Variants in ECT2 observed in about 807,000 individuals in gnomAD.
ECT2 encodes protein ECT2.
Under a neutral mutation model 116.9 loss-of-function variants are expected in ECT2, and 61 were observed. The observed-to-expected ratio is 0.52, with a 90% CI of 0.42 to 0.65. The LOEUF is 0.65. Among genes scored for constraint, ECT2 ranks in the 30% least tolerant of loss-of-function variants. The pLI is 0.00. For synonymous variants in ECT2, 358 were observed against 346.4 expected, an observed-to-expected ratio of 1.03 and a Z score of -0.37; for missense variants, 937 against 1,078.7, an observed-to-expected ratio of 0.87 and a Z score of 1.84.
rs186331108 is a variant in ECT2 at position 172,758,260 on chromosome 3, T to C, written c.487-720T>C. On this transcript the variant is annotated intron_variant, in intron 5 of 24. Coordinates refer to ENST00000392692, the MANE Select transcript of ECT2 (RefSeq NM_001258315.2). Reference sequence around the variant, plus strand: ...GCATTCTTAAGCTTGCCTTGTTTACTTAAAATTGCTTAGGTCTTTGTACTT... The same window carrying C: ...GCATTCTTAAGCTTGCCTTGTTTACCTAAAATTGCTTAGGTCTTTGTACTT... Among the ~76,000 whole-genome samples the C allele has an allele frequency of 1.4e-3, 219 of 152,324 alleles. 1 individual carries two copies. The highest frequency in any genetic ancestry group is 2.5e-3 in the Non-Finnish European group (171 of 68,026).
chr3:172,829,186 C>T, the ECT2 span: 1 of 431,542 alleles, frequency 2.3e-6, no homozygotes, highest in Non-Finnish European at 4.3e-6. Context: ...TTCAGTCTCC[C>T]AGCTTTAGCC....
rs1402016328 is a variant in ECT2 at position 172,784,806 on chromosome 3, A to G, written c.1825+3A>G. ...CAGTGTTGCATTACTTTTAAATGGT[A>G]CTTGTCTGATCTGTTTCAAACTACA... On this transcript the variant is annotated splice_donor_region_variant and intron_variant, in intron 17 of 24. Transcript: ENST00000392692. 1.9e-6 allele frequency: 3 copies of G among 1,566,064 alleles called. No individual in the cohort carries two copies. The highest frequency in any genetic ancestry group is 2.6e-6 in the Non-Finnish European group (3 of 1,139,860).
Position 172,820,268 on chromosome 3 carries a change from G to T in ECT2, c.*31G>T. On this transcript the variant is annotated 3_prime_UTR_variant, in exon 25 of 25. Coordinates refer to ENST00000392692, the MANE Select transcript of ECT2 (RefSeq NM_001258315.2). ...TACCAAAATCTTAAATTATAGAAAT[G>T]TATAGACACCTCATACTCAAATAAG... The T allele has an allele frequency of 6.7e-7, 1 of 1,498,208 alleles. No individual in the cohort carries two copies. Among genetic ancestry groups the T allele is most frequent in the Non-Finnish European group, 9.2e-7 (1 of 1,088,930 alleles). The allele number at this position is 1,498,208 out of a possible 1,614,324, so 92.8% of individuals were successfully genotyped here.
Position 172,816,822 on chromosome 3 carries a change from C to T in ECT2, c.2640C>T (p.Ser880=). Residue 880 remains serine (S), a synonymous_variant, in exon 24 of 25, where the codon AGC becomes AGT. Transcript: ENST00000392692. ...AGCATGTAATGAGTCGTCTTTCTAG[C>T]ACATCATCATTAGCAGTAAGTTATT... is the stretch of plus-strand genomic sequence containing the variant. ...NDKHVMSRLS[S]TSSLAGIPSP... 1.3e-6 allele frequency: 2 copies of T among 1,593,202 alleles called. No homozygotes were observed. The highest frequency in any genetic ancestry group is 1.1e-5 in the South Asian group (1 of 87,182).
chr3:172,815,307 A>G (rs1305746443), intron 22 of ECT2, among the ~76,000 whole-genome samples: 1 of 152,190 alleles, frequency 6.6e-6, no homozygotes, highest in African/African-American at 2.4e-5. Flanking sequence ...ATACTTCAGC[A>G]TTAAGTTTAA....
rs182472799 is a variant in ECT2 at position 172,782,193 on chromosome 3, G to C, written c.1579G>C (p.Asp527His). The part of the protein sequence containing the change: ...DDLEDLIVNW[D>H]ESKSIGDIFL... Reference sequence around the variant, plus strand: ...TCTTGAAGACCTTATAGTTAATTGGGATGAGAGCAAAAGCATTGGTGACAT... The same window carrying C: ...TCTTGAAGACCTTATAGTTAATTGGCATGAGAGCAAAAGCATTGGTGACAT... The change falls in exon 15 of 25, where the codon GAT becomes CAT. Residue 527 changes from aspartate to histidine, a missense_variant. Transcript: ENST00000392692. 1 of 1,580,050 alleles carries C rather than the reference G, an allele frequency of 6.3e-7. No individual in the cohort carries two copies. Among genetic ancestry groups the C allele is most frequent in the South Asian group, 1.2e-5 (1 of 85,400 alleles).
intron 5 of ECT2, 110 bp downstream of exon 5, chr3:172,757,275 T>C: frequency 1.3e-6 from 1 of 769,842 alleles, no homozygotes; most frequent in Non-Finnish European, 1.9e-6. Flanking sequence ...GAGCAAAATA[T>C]TTAGAATAGG....
intron 21 of ECT2, among the ~76,000 whole-genome samples, chr3:172,807,173 T>A (rs1254756392): frequency 6.6e-6 from 1 of 152,226 alleles, no homozygotes; most frequent in African/African-American, 2.4e-5. Context: ...CTGTAAGTCA[T>A]TTCTAGGTTA....
chr3:172,784,283 C>T (rs1723226167), intron 16 of ECT2, among the ~76,000 whole-genome samples: 1 of 152,012 alleles, frequency 6.6e-6, no homozygotes, highest in Non-Finnish European at 1.5e-5. Context: ...CCCATCTCTA[C>T]AAAAAGTTTT....
intron 18 of ECT2, among the ~76,000 whole-genome samples, chr3:172,790,174 C>T (rs905129047): frequency 6.6e-5 from 10 of 152,250 alleles, no homozygotes; most frequent in African/African-American, 7.2e-5. Flanking sequence ...TTCACCTGCC[C>T]GACATATGGT....
the ECT2 span, among the ~76,000 whole-genome samples, chr3:172,827,134 G>A: frequency 2.0e-5 from 3 of 152,226 alleles, no homozygotes; most frequent in African/African-American, 7.2e-5. Context: ...AACAAGCACC[G>A]AGGGATGTTT....
chr3:172,793,946 T>G (rs1725155301), intron 18 of ECT2, among the ~76,000 whole-genome samples: 1 of 151,908 alleles, frequency 6.6e-6, no homozygotes, highest in African/African-American at 2.4e-5. Flanking sequence ...AAAAATTGTG[T>G]TTTTTTTGTA....
At chr3:172,767,112 A>G (rs1216085077) in intron 12 of ECT2, among the ~76,000 whole-genome samples, 1 of 152,204 alleles carries the variant, frequency 6.6e-6, no homozygotes, top group Non-Finnish European at 1.5e-5. Context: ...ATAATGTTTG[A>G]CAAGTGGGAA....
intron 24 of ECT2, chr3:172,818,551 ACC>A (rs1240523108): frequency 3.1e-6 from 4 of 1,274,682 alleles, no homozygotes; most frequent in Non-Finnish European, 4.1e-6. Context: ...CTAACAGATT[ACC>A]CATTCTGTTT....
chr3:172,805,693 A>G (rs1245096049), intron 20 of ECT2, 38 bp from the exon 21 acceptor site: 2 of 1,595,516 alleles, frequency 1.3e-6, no homozygotes, highest in Admixed American at 3.5e-5. Context: ...CTTTTTCTTC[A>G]TTTTATTGAC....
chr3:172,764,853 C>T (rs142820036), intron 12 of ECT2, among the ~76,000 whole-genome samples: 1 of 152,134 alleles, frequency 6.6e-6, no homozygotes, highest in Non-Finnish European at 1.5e-5. Context: ...GGGGAGGTCA[C>T]ATAAATTATG....
downstream of ECT2, among the ~76,000 whole-genome samples, chr3:172,824,319 G>A (rs547233268): frequency 6.6e-6 from 1 of 152,310 alleles, no homozygotes; most frequent in East Asian, 1.9e-4. Context: ...GAGGCCTCAG[G>A]AAATTTACAA....
chr3:172,754,754 A>C, intron 2 of ECT2, 94 bp downstream of exon 2: 1 of 911,086 alleles, frequency 1.1e-6, no homozygotes. Context: ...TACCAACTGT[A>C]ATGCTAGAGC....
Position 172,762,786 on chromosome 3 carries a change from C to A in ECT2, c.985C>A (p.Leu329Ile). The A allele has an allele frequency of 6.2e-7, 1 of 1,612,482 alleles. No individual in the cohort carries two copies. The change falls in exon 10 of 25, where the codon CTT (leucine) becomes ATT (isoleucine). Residue 329 changes from leucine to isoleucine, a missense_variant. By Grantham distance (5) the Leu-to-Ile change is conservative. Transcript: ENST00000392692. Reference protein sequence around the residue: ...KDLPFEPSKKLYVVKQEWFWG... With the variant: ...KDLPFEPSKKIYVVKQEWFWG... The stretch of plus-strand genomic sequence containing the variant: ...TCTTCCCTTTGAACCTTCAAAGAAA[C>A]TTTATGTTGTCAAGCAAGAGGCAAG...
Sources: allele counts gnomAD v4.1 joint callset (sites outside exome capture counted in the v4.1 genomes callset), GRCh38; gene constraint gnomAD v4.1.1; transcripts MANE v1.5; gene names NCBI Gene and HGNC (gene_info 2026-07-23, HGNC 2026-07-21).